NFIB: variants seen among roughly 807,000 people sequenced by gnomAD.
NFIB encodes the protein nuclear factor I B.
A neutral mutation model predicts 61.5 loss-of-function variants in NFIB; 11 were observed. The observed-to-expected ratio is 0.18, with a 90% CI of 0.11 to 0.30. The LOEUF is 0.30. Among genes scored for constraint, NFIB ranks in the 10% least tolerant of loss-of-function variants. The pLI, the probability that NFIB is intolerant of heterozygous loss-of-function variation, is 1.00. For synonymous variants in NFIB, 260 were observed against 216.5 expected (o/e 1.20, Z -1.76); for missense variants, 471 against 608.9 (o/e 0.77, Z 2.38).
intron 4 of NFIB, among the ~76,000 whole-genome samples, chr9:14,150,908 T>C (rs1467354215): frequency 6.6e-6 from 1 of 152,198 alleles, no homozygotes; most frequent in African/African-American, 2.4e-5. Context: ...ATGCATTGTA[T>C]GTCTTTATCA....
At chr9:14,520,391 A>C in the NFIB span, among the ~76,000 whole-genome samples, 1 of 152,206 alleles carries the variant, frequency 6.6e-6, no homozygotes, top group Non-Finnish European at 1.5e-5. Flanking sequence ...ATGAACACAG[A>C]CCCAGCCCGG....
chr9:14,333,826 T>A (rs2060850483), intron 1 of NFIB, among the ~76,000 whole-genome samples: 3 of 152,066 alleles, frequency 2.0e-5, no homozygotes, highest in Non-Finnish European at 4.4e-5. Context: ...AGATGAAAAA[T>A]TATTGGCAAT....
rs1243699566 is a variant in NFIB at position 14,086,786 on chromosome 9, T to G, written c.*1523A>C. 4.8e-6 allele frequency: 1 copy of G among 207,460 alleles called. No individual in the cohort carries two copies. 12.9% of individuals were successfully genotyped at this position (207,460 alleles called of 1,614,324 possible). A position where few individuals can be genotyped will look rare whatever the true frequency, so the allele number is the denominator to read the frequency against. On this transcript the variant is annotated 3_prime_UTR_variant, in exon 11 of 11. Transcript: ENST00000380953. Reference sequence around the variant, plus strand: ...CACTTTGTTGTATTTTTTTGTTTTTTTTTTTTTGTTTTTTGTTTTTTAGAT... The same window carrying G: ...CACTTTGTTGTATTTTTTTGTTTTTGTTTTTTTGTTTTTTGTTTTTTAGAT...
intron 1 of NFIB, among the ~76,000 whole-genome samples, chr9:14,397,277 T>C (rs16931705): frequency 0.023 from 3,529 of 152,324 alleles, 110 homozygotes; most frequent in African/African-American, 0.08. Flanking sequence ...TAATGCAGTC[T>C]CTGAGAAAAA....
chr9:14,355,264 A>G (rs2061162339), intron 1 of NFIB, among the ~76,000 whole-genome samples: 1 of 152,190 alleles, frequency 6.6e-6, no homozygotes, highest in South Asian at 2.1e-4. Flanking sequence ...CCCTGTAAGA[A>G]GTGATTAGGA....
In NFIB at chr9:14,284,588, A is replaced by T. The variant is rs543493079; in HGVS notation, c.562+22401T>A. 3.3e-5 allele frequency among the ~76,000 whole-genome samples: 5 copies of T among 152,310 alleles called. No homozygotes were observed. In the South Asian group the frequency reaches 1.0e-3, roughly 32 times the overall value. On this transcript the variant is annotated intron_variant, in intron 2 of 10. Transcript: ENST00000380953. Reference sequence around the variant, plus strand: ...CTCTGTTTAGAAAGATGCAACCAAAAAACTTATGGAAACTAAAATATACGT... The same window carrying T: ...CTCTGTTTAGAAAGATGCAACCAAATAACTTATGGAAACTAAAATATACGT...
the NFIB span, among the ~76,000 whole-genome samples, chr9:14,412,344 C>A: frequency 6.6e-6 from 1 of 152,146 alleles, no homozygotes; most frequent in African/African-American, 2.4e-5. Flanking sequence ...ATCCCTAATA[C>A]CTAGAGTAGT....
chr9:14,200,329 C>T (rs138289789), intron 2 of NFIB, among the ~76,000 whole-genome samples: 1 of 152,228 alleles, frequency 6.6e-6, no homozygotes, highest in East Asian at 1.9e-4. Flanking sequence ...TTAAAGTCTA[C>T]AGAATATTCA....
chr9:14,347,696 C>T (rs976898185), intron 1 of NFIB, among the ~76,000 whole-genome samples: 4 of 152,122 alleles, frequency 2.6e-5, no homozygotes, highest in African/African-American at 7.2e-5. Context: ...GGTCGGGTGA[C>T]TGTGCGGAGT....
At chr9:14,277,344 GAC>G (rs33999296) in intron 2 of NFIB, among the ~76,000 whole-genome samples, 2,258 of 149,306 alleles carry the variant, frequency 0.015, 25 homozygotes, top group African/African-American at 0.03. Context: ...CGCACACACA[GAC>G]ACACACACAC....
chr9:14,328,890 T>C (rs1290633940), intron 1 of NFIB, among the ~76,000 whole-genome samples: 2 of 152,244 alleles, frequency 1.3e-5, no homozygotes, highest in Non-Finnish European at 2.9e-5. Context: ...TGATATTTAC[T>C]GTTAACATTT....
chr9:14,179,044 T>C (rs1216350116), intron 3 of NFIB, among the ~76,000 whole-genome samples: 3 of 152,152 alleles, frequency 2.0e-5, no homozygotes, highest in African/African-American at 7.2e-5. Flanking sequence ...AATGAAAAAC[T>C]GCTTGTGCTA....
At chr9:14,181,546 C>T (rs892654295) in intron 2 of NFIB, among the ~76,000 whole-genome samples, 5 of 152,118 alleles carry the variant, frequency 3.3e-5, no homozygotes, top group African/African-American at 7.2e-5. Flanking sequence ...AAAACTGGTA[C>T]AATATGGGCC....
chr9:14,274,971 A>C (rs574107709), intron 2 of NFIB, among the ~76,000 whole-genome samples: 5 of 152,292 alleles, frequency 3.3e-5, no homozygotes, highest in African/African-American at 9.6e-5. Flanking sequence ...AACAGATAAG[A>C]GATAGTGAGG....
intron 2 of NFIB, among the ~76,000 whole-genome samples, chr9:14,213,609 G>A (rs927854614): frequency 3.3e-5 from 5 of 152,196 alleles, no homozygotes; most frequent in South Asian, 2.1e-4. Context: ...ATGGGAAACC[G>A]AAATACTTCA....
At chr9:14,099,755 A>C (rs779556693) in intron 10 of NFIB, among the ~76,000 whole-genome samples, 3 of 152,200 alleles carry the variant, frequency 2.0e-5, no homozygotes, top group Non-Finnish European at 4.4e-5. Context: ...TGCTTTCTGA[A>C]TCAGGATAGA....
At chr9:14,483,323 T>C in the NFIB span, among the ~76,000 whole-genome samples, 2 of 152,250 alleles carry the variant, frequency 1.3e-5, no homozygotes, top group African/African-American at 2.4e-5. Flanking sequence ...TACCGGGATA[T>C]ATAGAATACA....
At position 14,193,079 on chromosome 9, in the gene NFIB, T is replaced by C. The variant is rs576207783; in HGVS notation, c.563-13299A>G. On this transcript the variant is annotated intron_variant, in intron 2 of 10. Coordinates refer to ENST00000380953, the MANE Select transcript of NFIB (RefSeq NM_001190737.2). ...ATTCAGTACTAAGTACAAAATTCTGTATCCCAAAGTTTTTTGTAATGCATA... is the reference window on the plus strand; with the variant it reads ...ATTCAGTACTAAGTACAAAATTCTGCATCCCAAAGTTTTTTGTAATGCATA... Among the ~76,000 whole-genome samples the C allele has an allele frequency of 7.2e-5, 11 of 151,810 alleles. No homozygotes were observed. The South Asian group carries it at 2.3e-3, about 32-fold the overall frequency.
At chr9:14,444,846 A>G in the NFIB span, among the ~76,000 whole-genome samples, 4 of 152,186 alleles carry the variant, frequency 2.6e-5, no homozygotes, top group Non-Finnish European at 5.9e-5. Flanking sequence ...TTTGTGCACT[A>G]TCTGCCTTCT....
Sources: allele counts gnomAD v4.1 joint callset (sites outside exome capture counted in the v4.1 genomes callset), GRCh38; gene constraint gnomAD v4.1.1; transcripts MANE v1.5; gene names NCBI Gene and HGNC (gene_info 2026-07-23, HGNC 2026-07-21).